The following PER1 variants were observed in gnomAD, a reference collection of about 807,000 sequenced individuals.
PER1 encodes period circadian regulator 1, also known as period circadian protein homolog 1.
Under a neutral mutation model 125.9 loss-of-function variants are expected in PER1, and 87 were observed. That is an observed-to-expected ratio of 0.69 (90% CI 0.58 to 0.83). The LOEUF is 0.83. Among genes scored for constraint, PER1 ranks in the 40% least tolerant of loss-of-function variants. PER1 has a pLI of 0.00. For missense variants in PER1, 1,775 were observed against 1,722.8 expected, an observed-to-expected ratio of 1.03 and a Z score of -0.54; for synonymous variants, 801 against 714.7, an observed-to-expected ratio of 1.12 and a Z score of -1.93.
In PER1 at chr17:8,143,564, T is replaced by G. The variant is rs752885289; in HGVS notation, c.2774A>C (p.Asn925Thr). ...GCTGGATGGGGTTGGGAACAGATAG[T>G]TAGGGAGCACCAAGGCCACCATTGG... ...VTPMVALVLP[N>T]YLFPTPSSYP... Residue 925 changes from asparagine (N) to threonine (T), a missense_variant, in exon 19 of 23, where the codon AAC becomes ACC. Transcript: ENST00000317276. 6.8e-7 allele frequency: 1 copy of G among 1,476,212 alleles called. No homozygotes were observed. The highest frequency in any genetic ancestry group is 2.5e-5 in the Admixed American group (1 of 40,446). The allele number at this position is 1,476,212 out of a possible 1,614,324, so 91.4% of individuals were successfully genotyped here. A position where few individuals can be genotyped will look rare whatever the true frequency, so the allele number is the denominator to read the frequency against.
rs1167358941 is a variant in PER1, at chr17:8,144,909, G to C, written c.2303C>G (p.Pro768Arg). ...CACTGGACGGTAGGCGTCTGGGGCTGGGTCAGGGGCTACTGTGGGGCTGGG... is the reference window on the plus strand; with the variant it reads ...CACTGGACGGTAGGCGTCTGGGGCTCGGTCAGGGGCTACTGTGGGGCTGGG... ...PAPSPTVAPD[P>R]APDAYRPVGL... is the part of the protein sequence containing the mutation. Residue 768 changes from proline to arginine, a missense_variant, in exon 18 of 23, where the codon CCA becomes CGA. Physicochemically the swap from Pro to Arg is moderately radical, Grantham distance 103 (BLOSUM62 -2). Coordinates refer to ENST00000317276, the MANE Select transcript of PER1 (RefSeq NM_002616.3). The C allele has an allele frequency of 1.3e-6, 2 of 1,546,870 alleles. No homozygotes were observed. The highest frequency in any genetic ancestry group is 2.7e-5 in the African/African-American group (2 of 73,348).
At chr17:8,143,168 T>A in intron 19 of PER1, 98 bp downstream of exon 19, 1 of 930,852 alleles carries the variant, frequency 1.1e-6, no homozygotes, top group East Asian at 2.8e-5. Context: ...TCCTGGAGGC[T>A]GAGACGCCAG....
chr17:8,147,923 G>T, intron 10 of PER1, 74 bp downstream of exon 10: 1 of 1,583,862 alleles, frequency 6.3e-7, no homozygotes, highest in Non-Finnish European at 8.6e-7. Context: ...AAGGCACCAA[G>T]AGACACAACC....
At chr17:8,147,078 A>G (rs1982499370) in intron 13 of PER1, 76 bp from the exon 14 acceptor site, 3 of 1,427,178 alleles carry the variant, frequency 2.1e-6, no homozygotes, top group Non-Finnish European at 2.9e-6. Context: ...CAATAAAACA[A>G]GAAGGTACCA....
At chr17:8,147,091 G>A in intron 13 of PER1, 89 bp from the exon 14 acceptor site, 1 of 1,395,088 alleles carries the variant, frequency 7.2e-7, no homozygotes, top group South Asian at 1.2e-5. Flanking sequence ...AGGTACCAGT[G>A]GGGAGGCACA....
intron 4 of PER1, 36 bp downstream of exon 4, chr17:8,149,935 G>A (rs1309271945): frequency 4.3e-6 from 7 of 1,613,816 alleles, no homozygotes; most frequent in Non-Finnish European, 5.9e-6. Flanking sequence ...CGGGAGCCCA[G>A]GCCCAGGCCA....
chr17:8,151,922 G>C (rs1398279553), intron 1 of PER1, among the ~76,000 whole-genome samples: 3 of 152,244 alleles, frequency 2.0e-5, no homozygotes, highest in African/African-American at 7.2e-5. Context: ...GGAACGGGAT[G>C]TTCTAGTCCG....
intron 1 of PER1, 36 bp from the exon 2 acceptor site, chr17:8,150,881 A>ATTTC: frequency 1.7e-6 from 1 of 597,992 alleles, no homozygotes; most frequent in Non-Finnish European, 2.8e-6. Flanking sequence ...GCTTGCAGAA[A>ATTTC]GCTGGTTTAA....
intron 4 of PER1, 23 bp downstream of exon 4, chr17:8,149,948 C>T (rs1982731975): frequency 6.2e-7 from 1 of 1,613,744 alleles, no homozygotes; most frequent in African/African-American, 1.3e-5. Flanking sequence ...CCAGGCCATT[C>T]CCTCTTGGGA....
intron 1 of PER1, among the ~76,000 whole-genome samples, chr17:8,152,059 G>A (rs1049038323): frequency 3.3e-5 from 5 of 152,230 alleles, no homozygotes; most frequent in Non-Finnish European, 5.9e-5. Context: ...CGAGCAAGAA[G>A]ACCGGGGCAT....
rs1471689609 is a variant in PER1, at chr17:8,141,936, T to G, written c.3469A>C (p.Lys1157Gln). 1 of 1,613,928 alleles carries G rather than the reference T, an allele frequency of 6.2e-7. No individual in the cohort carries two copies. The highest frequency in any genetic ancestry group is 8.5e-7 in the Non-Finnish European group (1 of 1,180,028). Residue 1157 changes from lysine (K) to glutamine (Q), a missense_variant, in exon 22 of 23, where the codon AAG (lysine) becomes CAG (glutamine). Lys to Gln is a moderately conservative substitution (Grantham distance 53). Coordinates refer to ENST00000317276, the MANE Select transcript of PER1 (RefSeq NM_002616.3). ...GCTCGGAGCCGCTCCCGATCCTGCT[T>G]CAGCACAGAGGTCATGTCCCTGCCC... ...VPSRDMTSVL[K>Q]QDRERLRAMQ...
rs754740983 is a variant in PER1 at position 8,149,446 on chromosome 17, C to T, written c.853+16G>A. The stretch of plus-strand genomic sequence containing the variant: ...TGGGACTGCTCATGCCTCCCCACAG[C>T]GCTTGGGCACCTCACCTGCTGAGGC... On this transcript the variant is annotated intron_variant, in intron 6 of 22. Transcript: ENST00000317276. 13 of 1,610,572 alleles carry T rather than the reference C, an allele frequency of 8.1e-6. No individual in the cohort carries two copies. The highest frequency in any genetic ancestry group is 2.7e-5 in the African/African-American group (2 of 74,840).
At chr17:8,148,373 G>C (rs966301473) in intron 8 of PER1, 114 bp from the exon 9 acceptor site, 5 of 922,746 alleles carry the variant, frequency 5.4e-6, no homozygotes, top group Non-Finnish European at 6.8e-6. Context: ...TCTGCCCCGG[G>C]CACTATGGGC....
chr17:8,142,222 C>T, intron 21 of PER1, 47 bp downstream of exon 21: 1 of 1,479,808 alleles, frequency 6.8e-7, no homozygotes, highest in Non-Finnish European at 9.1e-7. Context: ...ACTGCCCCCA[C>T]TACTACCTCT....
intron 7 of PER1, 111 bp from the exon 8 acceptor site, chr17:8,148,897 G>A (rs1249270855): frequency 6.2e-6 from 8 of 1,288,226 alleles, no homozygotes; most frequent in Non-Finnish European, 8.6e-6. Context: ...GGCAGGAGGA[G>A]GCAGAGGTAG....
rs199584851 is a variant in PER1, at chr17:8,141,872, C to T, written c.3533G>A (p.Arg1178Gln). The change falls in exon 22 of 23, where the codon CGG becomes CAG. Residue 1178 changes from arginine (R) to glutamine (Q), a missense_variant. Arg to Gln is a conservative substitution (Grantham distance 43). Transcript: ENST00000317276. ...KQQPRFSEDQ[R>Q]RELGAVHSWV... ...GGAGTGCACAGCACCCAGTTCCCGC[C>T]GCTGGTCCTCAGAAAACCGAGGCTG... The T allele has an allele frequency of 1.7e-5, 27 of 1,614,170 alleles. No homozygotes were observed. Among genetic ancestry groups the T allele is most frequent in the Middle Eastern group, 3.3e-4 (2 of 6,062 alleles).
chr17:8,146,570 G>A (rs1982455603), intron 15 of PER1, 24 bp downstream of exon 15: 1 of 1,603,262 alleles, frequency 6.2e-7, no homozygotes, highest in African/African-American at 1.3e-5. Context: ...GCCCGAGGTG[G>A]AGAAGATGCC....
In PER1 at chr17:8,150,751, C is replaced by T. The variant is rs778724312; in HGVS notation, c.-45G>A. 2.0e-6 allele frequency: 3 copies of T among 1,487,140 alleles called. No individual in the cohort carries two copies. The highest frequency in any genetic ancestry group is 2.8e-5 in the African/African-American group (2 of 71,150). 92.1% of individuals were successfully genotyped at this position (1,487,140 alleles called of 1,614,324 possible). A position where few individuals can be genotyped will look rare whatever the true frequency, so the allele number is the denominator to read the frequency against. On this transcript the variant is annotated 5_prime_UTR_variant, in exon 2 of 23. It adds an upstream start codon to the 5' untranslated region. Coordinates refer to ENST00000317276, the MANE Select transcript of PER1 (RefSeq NM_002616.3). ...CAGAACAGAGAAGGCAGAGAGGCCA[C>T]CACGGATGCACGAGGGGGCCTGGAG...
intron 18 of PER1, 133 bp from the exon 19 acceptor site, chr17:8,144,009 A>C: frequency 7.3e-7 from 1 of 1,369,032 alleles, no homozygotes; most frequent in South Asian, 1.6e-5. Context: ...CCCACACAGA[A>C]CGGGGGACTC....
Sources: allele counts gnomAD v4.1 joint callset (sites outside exome capture counted in the v4.1 genomes callset), GRCh38; gene constraint gnomAD v4.1.1; transcripts MANE v1.5; gene names NCBI Gene and HGNC (gene_info 2026-07-23, HGNC 2026-07-21).